The following DLC1 variants were observed in gnomAD, a reference collection of about 807,000 sequenced individuals.
DLC1 encodes the protein DLC1 Rho GTPase activating protein.
In DLC1, 54 loss-of-function variants were observed where a neutral mutation model predicts 140.3. The observed-to-expected ratio is 0.38, with a 90% CI of 0.31 to 0.48. The LOEUF (loss-of-function observed/expected upper bound fraction) is 0.48, where lower values mean the gene tolerates loss of function less well. Among genes scored for constraint, DLC1 ranks in the 20% least tolerant of loss-of-function variants. The pLI is 0.96. For missense variants in DLC1, 2,536 were observed against 1,907.0 expected, an observed-to-expected ratio of 1.33 and a Z score of -6.14; for synonymous variants, 986 against 728.1, an observed-to-expected ratio of 1.35 and a Z score of -5.70.
chr8:13,473,200 C>T (rs1039689855), intron 2 of DLC1, among the ~76,000 whole-genome samples: 1 of 152,138 alleles, frequency 6.6e-6, no homozygotes, highest in Non-Finnish European at 1.5e-5. Flanking sequence ...GTAGAGAATT[C>T]TTGAAGTCCT....
chr8:13,188,189 T>G (rs1826497828), intron 5 of DLC1, among the ~76,000 whole-genome samples: 1 of 150,048 alleles, frequency 6.7e-6, no homozygotes, highest in African/African-American at 2.5e-5. Flanking sequence ...GTTCAAGTGA[T>G]TCCTGCCTCA....
chr8:13,332,160 C>A (rs1484969950), intron 4 of DLC1, among the ~76,000 whole-genome samples: 1 of 152,152 alleles, frequency 6.6e-6, no homozygotes, highest in Non-Finnish European at 1.5e-5. Flanking sequence ...AAACAAAACA[C>A]AAAACACCTT....
At chr8:13,350,411 G>A (rs962893843) in intron 4 of DLC1, among the ~76,000 whole-genome samples, 3 of 151,870 alleles carry the variant, frequency 2.0e-5, no homozygotes, top group Non-Finnish European at 4.4e-5. Flanking sequence ...AGTATGAAGT[G>A]CTAAGTATAA....
rs533585659 is a variant in DLC1, at chr8:13,473,995, A to C, written c.1023+25054T>G. ...AGGAGAAATTCAAGCCAGCTGCAGA[A>C]ATTTGCATAAGTAACGAGGAGCCAA... On this transcript the variant is annotated intron_variant, in intron 2 of 17. Coordinates refer to ENST00000276297, the MANE Select transcript of DLC1 (RefSeq NM_182643.3). Among the ~76,000 whole-genome samples the C allele has an allele frequency of 6.6e-5, 10 of 152,318 alleles. No homozygotes were observed. In the South Asian group the frequency reaches 2.1e-3, roughly 32 times the overall value.
rs111262176 is a variant in DLC1 at position 13,237,328 on chromosome 8, G to GTATA, written c.1348+67937_1348+67940dup. 2.4e-3 allele frequency among the ~76,000 whole-genome samples: 350 copies of GTATA among 145,294 alleles called. 6 individuals carry two copies. The highest frequency in any genetic ancestry group is 8.2e-3 in the African/African-American group (325 of 39,570). ...TATATACATATATATCAGCTTCTGT[G>GTATA]TATATATATATATACACACACACAC... On this transcript the variant is annotated intron_variant, in intron 5 of 17. Transcript: ENST00000276297.
intron 5 of DLC1, among the ~76,000 whole-genome samples, chr8:13,144,411 G>C (rs1330389142): frequency 6.6e-6 from 1 of 152,124 alleles, no homozygotes; most frequent in African/African-American, 2.4e-5. Flanking sequence ...TCTCCACCTT[G>C]CGGATGGTGT....
chr8:13,382,493 G>A (rs113909795), intron 4 of DLC1, among the ~76,000 whole-genome samples: 1,355 of 98,368 alleles, frequency 0.014, 14 homozygotes, highest in Middle Eastern at 0.11. Flanking sequence ...GGGCGACAGC[G>A]AGACTCCGTC....
intron 5 of DLC1, chr8:13,133,242 G>A (rs1822275625): frequency 7.2e-7 from 1 of 1,383,884 alleles, no homozygotes; most frequent in Non-Finnish European, 9.3e-7. Context: ...GTGCGGCCAT[G>A]TCCTGGCTGG....
chr8:13,394,507 T>C (rs1836926788), intron 3 of DLC1, among the ~76,000 whole-genome samples: 2 of 152,178 alleles, frequency 1.3e-5, no homozygotes, highest in African/African-American at 4.8e-5. Context: ...TAATATATCA[T>C]ATGCTTTCTT....
chr8:13,585,385 A>G (rs1317490440), intron 1 of DLC1, among the ~76,000 whole-genome samples: 2 of 152,176 alleles, frequency 1.3e-5, no homozygotes, highest in Non-Finnish European at 2.9e-5. Flanking sequence ...GAAACATAGC[A>G]AGACTCTCAT....
chr8:13,095,613 C>A, intron 10 of DLC1: 1 of 203,780 alleles, frequency 4.9e-6, no homozygotes, highest in Non-Finnish European at 1.0e-5. Context: ...GGTCTACAGT[C>A]TTAAGGAAGC....
chr8:13,192,714 A>T (rs1826829641), intron 5 of DLC1, among the ~76,000 whole-genome samples: 1 of 152,182 alleles, frequency 6.6e-6, no homozygotes, highest in Non-Finnish European at 1.5e-5. Flanking sequence ...GGTTAAAATG[A>T]TGCTGTTAGG....
intron 5 of DLC1, among the ~76,000 whole-genome samples, chr8:13,121,665 C>T (rs906581178): frequency 6.6e-6 from 1 of 152,132 alleles, no homozygotes. Flanking sequence ...CCTCCTGCCT[C>T]AGCCTCCTGA....
At chr8:13,471,835 C>T (rs1422837618) in intron 2 of DLC1, among the ~76,000 whole-genome samples, 2 of 152,176 alleles carry the variant, frequency 1.3e-5, no homozygotes, top group Non-Finnish European at 2.9e-5. Flanking sequence ...CTTCCACCCC[C>T]ACGCTGAAGC....
chr8:13,252,024 A>G (rs1337304592), intron 5 of DLC1, among the ~76,000 whole-genome samples: 1 of 152,204 alleles, frequency 6.6e-6, no homozygotes, highest in Non-Finnish European at 1.5e-5. Context: ...ATGCTGGGAC[A>G]TTGAATAAAG....
intron 5 of DLC1, among the ~76,000 whole-genome samples, chr8:13,172,484 A>G (rs939241194): frequency 6.6e-6 from 1 of 152,266 alleles, no homozygotes; most frequent in Non-Finnish European, 1.5e-5. Context: ...ATCCATATAC[A>G]TAAACTCAGA....
At chr8:13,524,338 A>T (rs1262767139) in intron 1 of DLC1, among the ~76,000 whole-genome samples, 1 of 151,936 alleles carries the variant, frequency 6.6e-6, no homozygotes, top group East Asian at 1.9e-4. Flanking sequence ...GGGTTTTGCC[A>T]TCTTGGCCAG....
intron 7 of DLC1, among the ~76,000 whole-genome samples, chr8:13,109,821 G>T (rs1046060746): frequency 4.0e-5 from 6 of 151,768 alleles, no homozygotes; most frequent in Admixed American, 1.3e-4. Flanking sequence ...GGAGGCGGAG[G>T]TTGCAGTGAG....
At position 13,422,879 on chromosome 8, in the gene DLC1, A is replaced by G. The variant is rs141636943; in HGVS notation, c.1024-21260T>C. 1.8e-3 allele frequency among the ~76,000 whole-genome samples: 270 copies of G among 152,272 alleles called. 1 individual carries two copies. Among genetic ancestry groups the G allele is most frequent in the African/African-American group, 6.3e-3 (262 of 41,564 alleles). ...AACAAAAAGATTCTGATTGGGTGATATGGCCCAGGGTCAGCTTCATAGAGA... is the reference window on the plus strand; with the variant it reads ...AACAAAAAGATTCTGATTGGGTGATGTGGCCCAGGGTCAGCTTCATAGAGA... On this transcript the variant is annotated intron_variant, in intron 2 of 17. Coordinates refer to ENST00000276297, the MANE Select transcript of DLC1 (RefSeq NM_182643.3).
Sources: allele counts gnomAD v4.1 joint callset (sites outside exome capture counted in the v4.1 genomes callset), GRCh38; gene constraint gnomAD v4.1.1; transcripts MANE v1.5; gene names NCBI Gene and HGNC (gene_info 2026-07-23, HGNC 2026-07-21).